Variants in GJB1 observed in about 807,000 individuals in gnomAD.
GJB1 encodes the protein gap junction beta-1 protein.
GJB1 carries 1 observed loss-of-function variant against 12.0 expected under a neutral mutation model. The ratio of observed to expected loss-of-function variants is 0.08; its 90% CI spans 0.03 to 0.40. GJB1 has a LOEUF of 0.40. Among genes scored for constraint, GJB1 ranks in the 10% least tolerant of loss-of-function variants. The pLI is 0.98. For synonymous variants in GJB1, 114 were observed against 102.8 expected (o/e 1.11, Z -0.66); for missense variants, 140 against 250.3 (o/e 0.56, Z 2.97).
Position 71,224,039 on chromosome X carries a change from A to G in GJB1, c.332A>G (p.His111Arg). 1 of 1,202,530 alleles carries G rather than the reference A, an allele frequency of 8.3e-7. No individual in the cohort carries two copies. The highest frequency in any genetic ancestry group is 3.0e-5 in the East Asian group (1 of 33,620). ...AAGAAAATGCTACGGCTTGAGGGCC[A>G]TGGGGACCCCCTACACCTGGAGGAG... Reference protein sequence around the residue: ...IEKKMLRLEGHGDPLHLEEVK... With the variant: ...IEKKMLRLEGRGDPLHLEEVK... Residue 111 changes from histidine (H) to arginine (R), a missense_variant, in exon 2 of 2, where the codon CAT becomes CGT. Coordinates refer to ENST00000361726, the MANE Select transcript of GJB1 (RefSeq NM_000166.6).
chrX:71,217,135 T>TGTGTGC (rs1416829455), intron 1 of GJB1, among the ~76,000 whole-genome samples: 1 of 109,174 alleles, frequency 9.2e-6, no homozygotes, highest in Non-Finnish European at 1.9e-5. Context: ...TGTGTGTGTG[T>TGTGTGC]GTGTGCGTGT....
chrX:71,224,609 G>A lies in GJB1; in HGVS notation c.*50G>A, dbSNP rs2092547330. On this transcript the variant is annotated 3_prime_UTR_variant, in exon 2 of 2. Transcript: ENST00000361726. ...TCCCACCCCCGACCCTGCCCTGGGC[G>A]AGCCCCTCCTTCTCCCCTGCCGGTG... 3.8e-6 allele frequency: 4 copies of A among 1,046,025 alleles called. No homozygotes were observed. The highest frequency in any genetic ancestry group is 2.0e-5 in the South Asian group (1 of 49,695). 86.2% of individuals were successfully genotyped at this position (1,046,025 alleles called of 1,213,427 possible).
At chrX:71,221,499 A>G (rs5980746), upstream of GJB1, among the ~76,000 whole-genome samples, 13,991 of 109,944 alleles carry the variant, frequency 0.13, 1,233 homozygotes, top group African/African-American at 0.28. Context: ...TACAGCATAG[A>G]GGACCACCCA....
At position 71,225,429 on chromosome X, in the gene GJB1, A is replaced by G. The variant is rs1189298742; in HGVS notation, c.*870A>G. The G allele has an allele frequency of 1.6e-5, 2 of 122,937 alleles. No homozygotes were observed. The allele number at this position is 122,937 out of a possible 1,213,427, so 10.1% of individuals were successfully genotyped here. A position where few individuals can be genotyped will look rare whatever the true frequency, so the allele number is the denominator to read the frequency against. On this transcript the variant is annotated 3_prime_UTR_variant, in exon 2 of 2. Transcript: ENST00000361726. ...TGTTGTTGTGGTTCTTGTCTTTTTC[A>G]TTGTCTAATAACAGCTTTATTGGGA...
At chrX:71,218,470 GGAAA>G (rs1212422686), upstream of GJB1, among the ~76,000 whole-genome samples, 12 of 106,472 alleles carry the variant, frequency 1.1e-4, no homozygotes, top group African/African-American at 3.8e-4. Flanking sequence ...AGAGCTTATG[GGAAA>G]GAGTATGTGC....
Position 71,223,603 on chromosome X carries a change from A to G in GJB1, c.-16-89A>G, listed in dbSNP as rs1056005844. On this transcript the variant is annotated intron_variant, in intron 1 of 1. Coordinates refer to ENST00000361726, the MANE Select transcript of GJB1 (RefSeq NM_000166.6). ...CTTTCCTGCTACTGGCTCTTGGAAG[A>G]GTTGAGGGGGGGTGCGCAGGCAGTG... 1.1e-4 allele frequency: 96 copies of G among 836,812 alleles called. No homozygotes were observed. The African/African-American group carries it at 1.8e-3, about 16-fold the overall frequency. 69.0% of individuals were successfully genotyped at this position (836,812 alleles called of 1,213,427 possible).
chrX:71,217,558 TA>T (rs1479047126), intron 1 of GJB1: 2 of 111,815 alleles, frequency 1.8e-5, no homozygotes, highest in Non-Finnish European at 3.8e-5. Flanking sequence ...ACGGGGACTT[TA>T]ACCCGAAGTC....
upstream of GJB1, among the ~76,000 whole-genome samples, chrX:71,220,890 C>CTTTTT (rs869189116): frequency 2.4e-3 from 82 of 34,477 alleles, 2 homozygotes; most frequent in African/African-American, 5.2e-3. Context: ...TGTTTCTTTC[C>CTTTTT]TTTTTTTTTT....
upstream of GJB1, among the ~76,000 whole-genome samples, chrX:71,218,269 G>C: frequency 9.1e-6 from 1 of 109,569 alleles, no homozygotes; most frequent in Non-Finnish European, 1.9e-5. Context: ...TCCAGCCTGG[G>C]TGACAGAGCA....
At chrX:71,218,615 G>A (rs1293192905), upstream of GJB1, among the ~76,000 whole-genome samples, 1 of 109,368 alleles carries the variant, frequency 9.1e-6, no homozygotes, top group Non-Finnish European at 1.9e-5. Context: ...CAGGCACGGT[G>A]GCTCACGCCT....
chrX:71,220,428 T>C (rs2092534954), upstream of GJB1, among the ~76,000 whole-genome samples: 1 of 107,685 alleles, frequency 9.3e-6, no homozygotes, highest in South Asian at 4.3e-4. Flanking sequence ...CACCTCAGCC[T>C]CCCAAAGTGC....
chrX:71,220,413 C>A (rs2092534897), upstream of GJB1, among the ~76,000 whole-genome samples: 1 of 107,257 alleles, frequency 9.3e-6, no homozygotes, highest in Non-Finnish European at 1.9e-5. Flanking sequence ...CTCAAGCAAT[C>A]CACCCACCTC....
intron 1 of GJB1, among the ~76,000 whole-genome samples, chrX:71,217,106 G>C (rs2092527126): frequency 1.8e-5 from 1 of 56,529 alleles, no homozygotes. Context: ...CTAGACGAAT[G>C]TGTGTGTGTG....
upstream of GJB1, among the ~76,000 whole-genome samples, chrX:71,222,251 ATT>A (rs1318133890): frequency 9.8e-6 from 1 of 101,581 alleles, no homozygotes; most frequent in African/African-American, 3.6e-5. Context: ...TCCTGAGAAG[ATT>A]TTTTTTTTTT....
intron 1 of GJB1, chrX:71,217,630 C>T (rs986845929): frequency 1.8e-5 from 2 of 111,825 alleles, no homozygotes; most frequent in Non-Finnish European, 3.8e-5. Flanking sequence ...GAATGAAATC[C>T]TTGAGGCATT....
upstream of GJB1, among the ~76,000 whole-genome samples, chrX:71,220,476 T>TTTTG (rs58936467): frequency 0.058 from 5,561 of 95,158 alleles, 164 homozygotes; most frequent in Non-Finnish European, 0.084. Flanking sequence ...CTGGCCTAGG[T>TTTTG]TTTGTTTGTT....
upstream of GJB1, among the ~76,000 whole-genome samples, chrX:71,218,586 G>GA (rs916823477): frequency 1.8e-4 from 18 of 98,866 alleles, no homozygotes; most frequent in African/African-American, 5.9e-4. Context: ...TGTCTCAAAA[G>GA]AAAAAAAAAG....
At chrX:71,220,556 G>A (rs756027891), upstream of GJB1, among the ~76,000 whole-genome samples, 1 of 109,786 alleles carries the variant, frequency 9.1e-6, no homozygotes, top group Non-Finnish European at 1.9e-5. Context: ...CCCCAGGCTG[G>A]AGTGCAGTGA....
In GJB1 at chrX:71,223,610, G is replaced by C. The variant is rs192195270; in HGVS notation, c.-16-82G>C. On this transcript the variant is annotated intron_variant, in intron 1 of 1. Coordinates refer to ENST00000361726, the MANE Select transcript of GJB1 (RefSeq NM_000166.6). ...GCTACTGGCTCTTGGAAGAGTTGAG[G>C]GGGGGTGCGCAGGCAGTGCTATGGC... 1.3e-3 allele frequency: 1,178 copies of C among 898,661 alleles called. 11 individuals are homozygous for C. The African/African-American group carries it at 0.018, about 14-fold the overall frequency. The allele number at this position is 898,661 out of a possible 1,213,427, so 74.1% of individuals were successfully genotyped here. A position where few individuals can be genotyped will look rare whatever the true frequency, so the allele number is the denominator to read the frequency against.
Sources: gnomAD v4.1 joint callset for allele counts (sites outside exome capture counted in the v4.1 genomes callset) on GRCh38, gnomAD v4.1.1 for gene constraint, MANE v1.5 for transcripts, NCBI Gene and HGNC (gene_info 2026-07-23, HGNC 2026-07-21) for gene names.